The following PAK5 variants were observed in gnomAD, a reference collection of about 807,000 sequenced individuals.
The protein encoded by PAK5 is p21 (RAC1) activated kinase 5, also known as serine/threonine-protein kinase PAK 5.
Under a neutral mutation model 65.9 loss-of-function variants are expected in PAK5, and 16 were observed. The observed-to-expected ratio is 0.24, with a 90% confidence interval of 0.16 to 0.37. The LOEUF (loss-of-function observed/expected upper bound fraction) is 0.37. PAK5 is among the 10% of genes least tolerant of loss of function. The probability of loss-of-function intolerance (pLI) is 1.00; values close to 1 mark genes in which losing one functional copy is unlikely to be tolerated. For missense variants in PAK5, 785 were observed against 903.9 expected (o/e 0.87, Z 1.69); for synonymous variants, 371 against 354.9 (o/e 1.05, Z -0.51).
At chr20:9,645,821 C>T (rs868319970) in intron 2 of PAK5, among the ~76,000 whole-genome samples, 10 of 152,130 alleles carry the variant, frequency 6.6e-5, no homozygotes, top group South Asian at 2.1e-4. Context: ...CTCCTGACCT[C>T]GTGATCCGCC....
chr20:9,605,156 T>C (rs1408122329), intron 3 of PAK5, among the ~76,000 whole-genome samples: 1 of 152,228 alleles, frequency 6.6e-6, no homozygotes, highest in African/African-American at 2.4e-5. Context: ...CAGAGCCATG[T>C]CAAATGCAGG....
At chr20:9,722,755 T>G (rs2048232490) in intron 1 of PAK5, among the ~76,000 whole-genome samples, 1 of 152,074 alleles carries the variant, frequency 6.6e-6, no homozygotes, top group South Asian at 2.1e-4. Flanking sequence ...TTTTTTTTTT[T>G]TTTAGAAGGC....
intron 1 of PAK5, among the ~76,000 whole-genome samples, chr20:9,835,517 G>C (rs1282447614): frequency 6.6e-6 from 1 of 152,122 alleles, no homozygotes; most frequent in Non-Finnish European, 1.5e-5. Context: ...TCTGTCCCAG[G>C]TGTGTGGGTG....
chr20:9,558,098 C>A (rs1418009392), intron 6 of PAK5, among the ~76,000 whole-genome samples: 1 of 148,424 alleles, frequency 6.7e-6, no homozygotes, highest in Non-Finnish European at 1.5e-5. Context: ...GCTCTGTCAC[C>A]CAGGCTGGAG....
At chr20:9,681,998 C>T (rs190600380) in intron 2 of PAK5, among the ~76,000 whole-genome samples, 25 of 152,268 alleles carry the variant, frequency 1.6e-4, no homozygotes, top group South Asian at 8.3e-4. Flanking sequence ...GTTGTACAAA[C>T]GCTTCCACCT....
chr20:9,770,252 G>T (rs545227233), intron 1 of PAK5, among the ~76,000 whole-genome samples: 1 of 152,126 alleles, frequency 6.6e-6, no homozygotes, highest in Non-Finnish European at 1.5e-5. Flanking sequence ...GAACATGAGC[G>T]CAGATGAGTG....
intron 1 of PAK5, among the ~76,000 whole-genome samples, chr20:9,726,817 G>A (rs1029941524): frequency 9.2e-5 from 14 of 151,980 alleles, no homozygotes; most frequent in Admixed American, 6.6e-5. Flanking sequence ...ATGTATCTCA[G>A]AACTTAAAGT....
At chr20:9,648,367 A>G (rs2047160878) in intron 2 of PAK5, among the ~76,000 whole-genome samples, 1 of 152,234 alleles carries the variant, frequency 6.6e-6, no homozygotes, top group East Asian at 1.9e-4. Flanking sequence ...GAAGCCCATC[A>G]GAGATGAAGG....
chr20:9,795,619 C>T (rs1430111067), intron 1 of PAK5, among the ~76,000 whole-genome samples: 1 of 152,052 alleles, frequency 6.6e-6, no homozygotes. Flanking sequence ...AGTGAATGAA[C>T]ATACGTAATG....
intron 2 of PAK5, among the ~76,000 whole-genome samples, chr20:9,648,170 C>T (rs1000493445): frequency 4.6e-5 from 7 of 152,132 alleles, no homozygotes; most frequent in African/African-American, 1.7e-4. Context: ...CAGTCATACT[C>T]GTGGCTGTGA....
chr20:9,542,534 C>A, intron 9 of PAK5, 52 bp downstream of exon 9: 1 of 1,598,846 alleles, frequency 6.3e-7, no homozygotes, highest in Non-Finnish European at 8.6e-7. Flanking sequence ...CAGAGAGATA[C>A]AGGAAAATCC....
At chr20:9,734,793 T>C (rs2048371211) in intron 1 of PAK5, among the ~76,000 whole-genome samples, 1 of 152,118 alleles carries the variant, frequency 6.6e-6, no homozygotes, top group Non-Finnish European at 1.5e-5. Flanking sequence ...GCATTAGAGG[T>C]GTTTTGCAGA....
At chr20:9,810,393 T>C (rs540702281) in intron 1 of PAK5, among the ~76,000 whole-genome samples, 1 of 152,014 alleles carries the variant, frequency 6.6e-6, no homozygotes, top group South Asian at 2.1e-4. Flanking sequence ...GGAAACAAAG[T>C]GAGACCCTGC....
At chr20:9,644,452 T>C in intron 2 of PAK5, 113 bp from the exon 3 acceptor site, 1 of 665,638 alleles carries the variant, frequency 1.5e-6, no homozygotes, top group Non-Finnish European at 2.5e-6. Flanking sequence ...TTCCTCTAGA[T>C]CCCAGCTGCA....
intron 1 of PAK5, among the ~76,000 whole-genome samples, chr20:9,728,763 GT>G (rs71184155): frequency 0.81 from 119,040 of 147,164 alleles, 48,208 homozygotes; most frequent in East Asian, 0.92. Flanking sequence ...TCCTAGATCT[GT>G]TTTTTTTTTT....
chr20:9,801,677 A>C (rs1410519009), intron 1 of PAK5, among the ~76,000 whole-genome samples: 1 of 152,030 alleles, frequency 6.6e-6, no homozygotes, highest in Non-Finnish European at 1.5e-5. Flanking sequence ...CTCCATCATG[A>C]TTTCAAATTC....
intron 4 of PAK5, among the ~76,000 whole-genome samples, chr20:9,571,498 G>A (rs1424424820): frequency 2.0e-5 from 3 of 152,100 alleles, no homozygotes; most frequent in Admixed American, 6.5e-5. Flanking sequence ...TTCTTCTGCC[G>A]GGGTCAGTCC....
At chr20:9,648,606 A>G (rs1033562786) in intron 2 of PAK5, among the ~76,000 whole-genome samples, 1 of 152,030 alleles carries the variant, frequency 6.6e-6, no homozygotes, top group African/African-American at 2.4e-5. Flanking sequence ...TTTTTCTAGG[A>G]TATGCATCCT....
At chr20:9,743,905 G>A (rs1176164037) in intron 1 of PAK5, among the ~76,000 whole-genome samples, 1 of 152,140 alleles carries the variant, frequency 6.6e-6, no homozygotes. Flanking sequence ...GAGATGTGGA[G>A]ATAATCCTGG....
Sources: allele counts gnomAD v4.1 joint callset (sites outside exome capture counted in the v4.1 genomes callset), GRCh38; gene constraint gnomAD v4.1.1; transcripts MANE v1.5; gene names NCBI Gene and HGNC (gene_info 2026-07-23, HGNC 2026-07-21).